Variants in LRP1B observed in about 807,000 individuals in gnomAD.
LRP1B encodes the protein low-density lipoprotein receptor-related protein 1B.
In LRP1B, 217 loss-of-function variants were observed where a neutral mutation model predicts 556.6. The ratio of observed to expected loss-of-function variants is 0.39; its 90% CI spans 0.35 to 0.44. The LOEUF (loss-of-function observed/expected upper bound fraction) is 0.44, where lower values mean the gene tolerates loss of function less well. Among genes scored for constraint, LRP1B ranks in the 20% least tolerant of loss-of-function variants. LRP1B has a pLI of 1.00. For missense variants in LRP1B, 5,053 were observed against 5,620.8 expected, an observed-to-expected ratio of 0.90 and a Z score of 3.23; for synonymous variants, 2,047 against 1,865.8, an observed-to-expected ratio of 1.10 and a Z score of -2.50.
chr2:141,108,272 G>T (rs540671604), intron 7 of LRP1B, among the ~76,000 whole-genome samples: 1 of 148,182 alleles, frequency 6.7e-6, no homozygotes, highest in African/African-American at 2.5e-5. Context: ...ATGGTACAAG[G>T]TACAAGTTTA....
chr2:140,554,739 C>T (rs1167061116), intron 43 of LRP1B, among the ~76,000 whole-genome samples: 1 of 151,884 alleles, frequency 6.6e-6, no homozygotes, highest in Admixed American at 6.6e-5. Context: ...ACATACTTAA[C>T]TTTCAATAAT....
intron 1 of LRP1B, among the ~76,000 whole-genome samples, chr2:141,936,784 A>G (rs1432408501): frequency 3.3e-5 from 5 of 152,160 alleles, no homozygotes; most frequent in Non-Finnish European, 7.4e-5. Flanking sequence ...TTAGTTCTTA[A>G]TATCATTGTT....
intron 1 of LRP1B, among the ~76,000 whole-genome samples, chr2:141,822,233 A>C (rs1302538191): frequency 6.6e-6 from 1 of 152,032 alleles, no homozygotes; most frequent in African/African-American, 2.4e-5. Flanking sequence ...TGACACATTC[A>C]ACACGGTTGA....
intron 1 of LRP1B, among the ~76,000 whole-genome samples, chr2:141,921,181 T>C (rs940821107): frequency 6.6e-6 from 1 of 152,076 alleles, no homozygotes; most frequent in Non-Finnish European, 1.5e-5. Context: ...TGGTATTTCT[T>C]AACATGTTTC....
At chr2:140,784,876 T>C (rs769408651) in intron 32 of LRP1B, among the ~76,000 whole-genome samples, 21 of 152,094 alleles carry the variant, frequency 1.4e-4, no homozygotes, top group Non-Finnish European at 2.2e-4. Flanking sequence ...CTCTAAGTTA[T>C]ACGATCTTAA....
At chr2:141,502,067 C>T (rs1423996079) in intron 2 of LRP1B, among the ~76,000 whole-genome samples, 2 of 152,162 alleles carry the variant, frequency 1.3e-5, no homozygotes, top group African/African-American at 4.8e-5. Context: ...GAACACTCCC[C>T]CCAAACAAAT....
Position 140,553,079 on chromosome 2 carries a change from T to A in LRP1B, c.7195-11108A>T, listed in dbSNP as rs189744659. Among the ~76,000 whole-genome samples the A allele has an allele frequency of 1.3e-3, 196 of 152,172 alleles. 1 individual carries two copies. Among genetic ancestry groups the A allele is most frequent in the Non-Finnish European group, 2.3e-3 (156 of 67,992 alleles). On this transcript the variant is annotated intron_variant, in intron 43 of 90. Transcript: ENST00000389484. ...ACCAAACGATTTAAAAACCAGGAAC[T>A]GGGAGGCTTCCCAAACTCCCCAACT... is the stretch of plus-strand genomic sequence containing the variant.
intron 35 of LRP1B, among the ~76,000 whole-genome samples, chr2:140,720,349 GATA>G (rs1233862150): frequency 6.6e-6 from 1 of 151,858 alleles, no homozygotes; most frequent in Non-Finnish European, 1.5e-5. Context: ...TGTAATTTAA[GATA>G]ATAACAATTA....
chr2:140,550,812 TA>T (rs1417273061), intron 43 of LRP1B, among the ~76,000 whole-genome samples: 4 of 152,280 alleles, frequency 2.6e-5, no homozygotes, highest in African/African-American at 9.6e-5. Flanking sequence ...TCTGTAATAG[TA>T]TTATGAACTG....
chr2:140,977,280 C>T (rs62175301), intron 18 of LRP1B, among the ~76,000 whole-genome samples: 1,530 of 152,212 alleles, frequency 0.01, 10 homozygotes, highest in Non-Finnish European at 0.017. Flanking sequence ...CCCAATCTCT[C>T]TGTCTCATAC....
chr2:141,101,425 CA>C (rs1700458800), intron 7 of LRP1B, among the ~76,000 whole-genome samples: 1 of 152,092 alleles, frequency 6.6e-6, no homozygotes, highest in African/African-American at 2.4e-5. Context: ...TTAAATATAA[CA>C]TGAAACTGTA....
chr2:141,509,466 G>A (rs970449913), intron 2 of LRP1B, among the ~76,000 whole-genome samples: 2 of 152,068 alleles, frequency 1.3e-5, no homozygotes, highest in Non-Finnish European at 2.9e-5. Context: ...TATGACTACT[G>A]TGATATTTTA....
intron 2 of LRP1B, among the ~76,000 whole-genome samples, chr2:141,703,388 T>C (rs1692020408): frequency 6.6e-6 from 1 of 151,948 alleles, no homozygotes; most frequent in South Asian, 2.1e-4. Context: ...GGTTAATCTA[T>C]GGCTCATGTT....
chr2:140,470,436 G>T lies in LRP1B; in HGVS notation c.9625+4702C>A, dbSNP rs191246346. 2.0e-5 allele frequency among the ~76,000 whole-genome samples: 3 copies of T among 152,050 alleles called. No homozygotes were observed. In the East Asian group the frequency reaches 5.9e-4, roughly 30 times the overall value. On this transcript the variant is annotated intron_variant, in intron 60 of 90. Transcript: ENST00000389484. ...AGGCGGGCGAAAATCAAGAGGTCGGGAGATCAAGACCATCCTGGCTAACAC... is the reference window on the plus strand; with the variant it reads ...AGGCGGGCGAAAATCAAGAGGTCGGTAGATCAAGACCATCCTGGCTAACAC...
At chr2:140,632,607 T>C (rs901452374) in intron 41 of LRP1B, among the ~76,000 whole-genome samples, 2 of 152,016 alleles carry the variant, frequency 1.3e-5, no homozygotes, top group Admixed American at 1.3e-4. Flanking sequence ...AAGAAAAAAG[T>C]GCTACAAATG....
chr2:140,492,516 T>C (rs1222561826), intron 57 of LRP1B, 92 bp downstream of exon 57: 1 of 781,538 alleles, frequency 1.3e-6, no homozygotes, highest in African/African-American at 1.7e-5. Flanking sequence ...AAAATATGCT[T>C]CACAAACTCT....
rs534731679 is a variant in LRP1B at position 142,123,159 on chromosome 2, A to G, written c.82+7489T>C. Among the ~76,000 whole-genome samples the G allele has an allele frequency of 4.6e-5, 7 of 152,150 alleles. No homozygotes were observed. In the South Asian group the frequency reaches 1.2e-3, roughly 27 times the overall value. ...CCTACAGCTTTTCTTTCTCACAAAT[A>G]TCTTAAGATATGCTAGGAACACACA... On this transcript the variant is annotated intron_variant, in intron 1 of 90. Coordinates refer to ENST00000389484, the MANE Select transcript of LRP1B (RefSeq NM_018557.3).
intron 3 of LRP1B, among the ~76,000 whole-genome samples, chr2:141,416,721 G>T (rs548641034): frequency 6.6e-6 from 1 of 151,968 alleles, no homozygotes; most frequent in Non-Finnish European, 1.5e-5. Context: ...TCCCAAAGTA[G>T]ACAGCTATTA....
intron 1 of LRP1B, among the ~76,000 whole-genome samples, chr2:141,925,169 T>C (rs78316881): frequency 0.035 from 5,287 of 152,302 alleles, 144 homozygotes; most frequent in Non-Finnish European, 0.052. Flanking sequence ...TCTAAATTCA[T>C]ACGGTAATTT....
Sources: allele counts gnomAD v4.1 joint callset (sites outside exome capture counted in the v4.1 genomes callset), GRCh38; gene constraint gnomAD v4.1.1; transcripts MANE v1.5; gene names NCBI Gene and HGNC (gene_info 2026-07-23, HGNC 2026-07-21).